Variants in CPAMD8 observed in about 807,000 individuals in gnomAD.
The protein encoded by CPAMD8 is C3 and PZP-like alpha-2-macroglobulin domain-containing protein 8.
Under a neutral mutation model 224.7 loss-of-function variants are expected in CPAMD8, and 146 were observed. The observed-to-expected ratio is 0.65, with a 90% CI of 0.57 to 0.75. The LOEUF (loss-of-function observed/expected upper bound fraction) is 0.75. CPAMD8 is among the 30% of genes least tolerant of loss of function. The pLI is 0.00. For missense variants in CPAMD8, 2,301 were observed against 2,537.5 expected (o/e 0.91, Z 2.00); for synonymous variants, 966 against 1,044.6 (o/e 0.92, Z 1.45).
intron 24 of CPAMD8, 71 bp from the exon 25 acceptor site, chr19:16,928,305 C>A: frequency 7.8e-7 from 1 of 1,288,398 alleles, no homozygotes; most frequent in South Asian, 1.3e-5. Context: ...GGCAGTGACA[C>A]CAGCTTTGTG....
Position 17,002,251 on chromosome 19 carries a change from GT to G in CPAMD8, c.758+14del. 5 of 1,557,184 alleles carry G rather than the reference GT, an allele frequency of 3.2e-6. No individual in the cohort carries two copies. The highest frequency in any genetic ancestry group is 3.5e-6 in the Non-Finnish European group (4 of 1,139,092). On this transcript the variant is annotated intron_variant, in intron 9 of 41. Transcript: ENST00000443236. ...AGGGCCCCCCCAGTGTGCCCCAGGG[GT>G]CCCTCTTTCTCACCTGGCCCGCACA...
chr19:17,026,529 T>C, intron 1 of CPAMD8, 22 bp downstream of exon 1: 1 of 1,481,864 alleles, frequency 6.7e-7, no homozygotes, highest in Non-Finnish European at 8.9e-7. Flanking sequence ...ACCGACCTCC[T>C]CTGTCGCCGG....
chr19:16,900,205 G>A lies in CPAMD8; in HGVS notation c.4774-656C>T, dbSNP rs145203774. 1.5e-4 allele frequency among the ~76,000 whole-genome samples: 23 copies of A among 152,220 alleles called. No homozygotes were observed. In the East Asian group the frequency reaches 4.4e-3, roughly 29 times the overall value. On this transcript the variant is annotated intron_variant, in intron 36 of 41. Coordinates refer to ENST00000443236, the MANE Select transcript of CPAMD8 (RefSeq NM_015692.5). The stretch of plus-strand genomic sequence containing the variant: ...CTGTCTTAGGGTTGTGAGGGTGACA[G>A]CTGGTCTCGGCAGAATGTGGATTGA...
chr19:16,927,354 C>T lies in CPAMD8; in HGVS notation c.3370+655G>A, dbSNP rs529247614. The stretch of plus-strand genomic sequence containing the variant: ...TCATTCTCCCTGGGACCATGTAAGA[C>T]GTACCTGTCGCCTTCCACCATGATT... On this transcript the variant is annotated intron_variant, in intron 25 of 41. Coordinates refer to ENST00000443236, the MANE Select transcript of CPAMD8 (RefSeq NM_015692.5). Among the ~76,000 whole-genome samples the T allele has an allele frequency of 5.3e-5, 8 of 152,218 alleles. No homozygotes were observed. The East Asian group carries it at 7.7e-4, about 15-fold the overall frequency.
rs1007286289 is a variant in CPAMD8 at position 16,945,432 on chromosome 19, C to T, written c.2793+117G>A. On this transcript the variant is annotated intron_variant, in intron 22 of 41. Coordinates refer to ENST00000443236, the MANE Select transcript of CPAMD8 (RefSeq NM_015692.5). ...GGCACCTGAGCTCTCAAGCACAACC[C>T]GTGAAGGCTGCCCAGGCCCTGGCTC... is the stretch of plus-strand genomic sequence containing the variant. 3.1e-5 allele frequency: 44 copies of T among 1,404,706 alleles called. No homozygotes were observed. In the African/African-American group the frequency reaches 3.6e-4, roughly 11 times the overall value. 87.0% of individuals were successfully genotyped at this position (1,404,706 alleles called of 1,614,324 possible).
chr19:16,972,407 T>C (rs2055094704), intron 17 of CPAMD8, among the ~76,000 whole-genome samples: 1 of 152,142 alleles, frequency 6.6e-6, no homozygotes, highest in Non-Finnish European at 1.5e-5. Context: ...AGACTCACTG[T>C]AGCCTGGGCT....
intron 41 of CPAMD8, chr19:16,895,046 AAGGC>A (rs751378238): frequency 4.5e-5 from 7 of 156,778 alleles, no homozygotes; most frequent in Non-Finnish European, 8.5e-5. Flanking sequence ...TCAGGAGGTC[AAGGC>A]TGCAGTGAGC....
intron 8 of CPAMD8, chr19:17,002,559 T>C (rs981400352): frequency 2.1e-5 from 10 of 468,156 alleles, no homozygotes; most frequent in Non-Finnish European, 3.5e-5. Context: ...GACCCCATTT[T>C]CCTCAAGGGG....
intron 8 of CPAMD8, among the ~76,000 whole-genome samples, chr19:17,003,393 G>A (rs2056392899): frequency 6.6e-6 from 1 of 151,428 alleles, no homozygotes; most frequent in Non-Finnish European, 1.5e-5. Flanking sequence ...ATACAGACAG[G>A]GACTATGTTG....
chr19:16,908,705 A>G (rs1403859300), intron 29 of CPAMD8, among the ~76,000 whole-genome samples: 1 of 152,220 alleles, frequency 6.6e-6, no homozygotes, highest in Non-Finnish European at 1.5e-5. Flanking sequence ...AATGTTTCCA[A>G]AGCTTTCCAT....
At chr19:16,983,700 T>G (rs1025258168) in intron 13 of CPAMD8, among the ~76,000 whole-genome samples, 2 of 151,598 alleles carry the variant, frequency 1.3e-5, no homozygotes, top group African/African-American at 4.8e-5. Context: ...AGGCCATGAG[T>G]GGGATAACTT....
At chr19:16,980,729 T>C (rs2122767231) in intron 13 of CPAMD8, 43 bp from the exon 14 acceptor site, 1 of 1,448,618 alleles carries the variant, frequency 6.9e-7, no homozygotes. Flanking sequence ...CTCGCACCAA[T>C]GTTGCAACCC....
At chr19:16,971,639 G>T (rs572559683) in intron 17 of CPAMD8, among the ~76,000 whole-genome samples, 1 of 152,206 alleles carries the variant, frequency 6.6e-6, no homozygotes, top group East Asian at 1.9e-4. Flanking sequence ...TCCTTTTGGG[G>T]GATGAAAATG....
chr19:16,964,505 C>T (rs2054760310), intron 18 of CPAMD8, among the ~76,000 whole-genome samples: 1 of 152,164 alleles, frequency 6.6e-6, no homozygotes, highest in East Asian at 1.9e-4. Context: ...ACGTGAATCT[C>T]TGAATAGACC....
intron 14 of CPAMD8, among the ~76,000 whole-genome samples, chr19:16,979,173 T>C (rs1229173007): frequency 6.7e-6 from 1 of 149,794 alleles, no homozygotes; most frequent in African/African-American, 2.5e-5. Context: ...CCACTATCCA[T>C]CCATCCATTC....
In CPAMD8 at chr19:16,898,580, A is replaced by G. The variant is rs1318101728; in HGVS notation, c.4849-586T>C. ...TTACAGAACGGTTTCTTTCTCCCCC[A>G]AAGAAACCCCATCGCCATCAGCACT... is the stretch of plus-strand genomic sequence containing the variant. On this transcript the variant is annotated intron_variant, in intron 37 of 41. Transcript: ENST00000443236. The surrounding 1 kb of genome is among the most constrained non-coding windows in gnomAD (Gnocchi z 4.2). Among the ~76,000 whole-genome samples, 2 of 151,844 alleles carry G rather than the reference A, an allele frequency of 1.3e-5. No individual in the cohort carries two copies. The highest frequency in any genetic ancestry group is 2.4e-5 in the African/African-American group (1 of 41,330).
chr19:16,954,131 G>T (rs1382850989), intron 19 of CPAMD8, among the ~76,000 whole-genome samples: 1 of 151,990 alleles, frequency 6.6e-6, no homozygotes, highest in Non-Finnish European at 1.5e-5. Flanking sequence ...ATTCTTTTGG[G>T]TATACACCCA....
intron 5 of CPAMD8, among the ~76,000 whole-genome samples, chr19:17,011,191 G>T (rs921860703): frequency 2.0e-5 from 3 of 151,882 alleles, no homozygotes; most frequent in African/African-American, 7.3e-5. Context: ...CGAGAGACTC[G>T]GTCTTGGGGA....
chr19:16,947,203 TG>T lies in CPAMD8; in HGVS notation c.2532del (p.Lys845ArgfsTer14), dbSNP rs919181847. 5.0e-6 allele frequency: 8 copies of T among 1,613,306 alleles called. No homozygotes were observed. Among genetic ancestry groups the T allele is most frequent in the African/African-American group, 2.7e-5 (2 of 74,898 alleles). Reference sequence around the variant, plus strand: ...GGATGCCCAACAAACTGGATGCCCTTGGGAACCGAGAGCTTCATGTACACCT... The same window carrying T: ...GGATGCCCAACAAACTGGATGCCCTTGGAACCGAGAGCTTCATGTACACCT... ...CAEVYMKLSV[P>X]KGIQFVGHPG... On this transcript the variant is annotated frameshift_variant, in exon 21 of 42. Transcript: ENST00000443236. LOFTEE classifies it high-confidence loss of function.
Sources: gnomAD v4.1 joint callset for allele counts (sites outside exome capture counted in the v4.1 genomes callset) on GRCh38, gnomAD v4.1.1 for gene constraint, Gnocchi (gnomAD v3.1) non-coding constraint, MANE v1.5 for transcripts, NCBI Gene and HGNC (gene_info 2026-07-23, HGNC 2026-07-21) for gene names.